The following GNPAT variants were observed in gnomAD, a reference collection of about 807,000 sequenced individuals.
GNPAT encodes the protein dihydroxyacetone phosphate acyltransferase.
GNPAT carries 30 observed loss-of-function variants against 78.4 expected under a neutral mutation model. The observed-to-expected ratio is 0.38, with a 90% CI of 0.29 to 0.52. The LOEUF is 0.52. Among genes scored for constraint, GNPAT ranks in the 20% least tolerant of loss-of-function variants. The probability of loss-of-function intolerance (pLI) is 0.84; values close to 1 mark genes in which losing one functional copy is unlikely to be tolerated. For missense variants in GNPAT, 714 were observed against 812.2 expected (o/e 0.88, Z 1.47); for synonymous variants, 271 against 281.1 (o/e 0.96, Z 0.36).
chr1:231,246,206 G>T (rs1684742625), intron 1 of GNPAT, among the ~76,000 whole-genome samples: 1 of 152,112 alleles, frequency 6.6e-6, no homozygotes, highest in South Asian at 2.1e-4. Flanking sequence ...CTTTAAATCT[G>T]CCCTGGTGGG....
Position 231,251,368 on chromosome 1 carries a change from A to G in GNPAT, c.261+225A>G, listed in dbSNP as rs1403020485. 2.6e-5 allele frequency among the ~76,000 whole-genome samples: 4 copies of G among 152,172 alleles called. No individual in the cohort carries two copies. In the East Asian group the frequency reaches 7.7e-4, roughly 29 times the overall value. On this transcript the variant is annotated intron_variant, in intron 2 of 15. Transcript: ENST00000366647. ...TAAGTGAAATATGTCGTCTGGGCAT[A>G]AGTGAAATATGATACGAGACATGCT...
At chr1:231,260,916 A>G (rs987684209) in intron 3 of GNPAT, among the ~76,000 whole-genome samples, 1 of 152,186 alleles carries the variant, frequency 6.6e-6, no homozygotes, top group Non-Finnish European at 1.5e-5. Context: ...GCAGACCTAC[A>G]GGCTTCAGAC....
chr1:231,275,472 G>C lies in GNPAT; in HGVS notation c.1911G>C (p.Arg637Ser), dbSNP rs1316357431. Residue 637 changes from arginine to serine, a missense_variant, in exon 14 of 16, where the codon AGG becomes AGC. Arg to Ser is a moderately radical substitution (Grantham distance 110). Coordinates refer to ENST00000366647, the MANE Select transcript of GNPAT (RefSeq NM_014236.4). ...AAAACGCCTTAGCAGCCTGTGTGAGGCTCGGAGTAGTGGAGAAGAAGAAGA... is the reference window on the plus strand; with the variant it reads ...AAAACGCCTTAGCAGCCTGTGTGAGCCTCGGAGTAGTGGAGAAGAAGAAGA... ...VQKNALAACV[R>S]LGVVEKKKIN... The C allele has an allele frequency of 1.2e-6, 2 of 1,605,568 alleles. No individual in the cohort carries two copies. The highest frequency in any genetic ancestry group is 8.5e-7 in the Non-Finnish European group (1 of 1,172,226).
chr1:231,251,075 C>T lies in GNPAT; in HGVS notation c.193C>T (p.Pro65Ser), dbSNP rs764206395. Residue 65 changes from proline to serine, a missense_variant, in exon 2 of 16, where the codon CCA becomes TCA. By Grantham distance (74) the Pro-to-Ser change is moderately conservative. Coordinates refer to ENST00000366647, the MANE Select transcript of GNPAT (RefSeq NM_014236.4). ...YTPLVYKGIT[P>S]CKPIDIKCSV... is the part of the protein sequence containing the mutation. ...ACCTCTTGTCTATAAGGGAATTACT[C>T]CATGTAAACCAATTGATATTAAATG... is the stretch of plus-strand genomic sequence containing the variant. 6.3e-7 allele frequency: 1 copy of T among 1,593,350 alleles called. No homozygotes were observed. Among genetic ancestry groups the T allele is most frequent in the Admixed American group, 1.7e-5 (1 of 59,958 alleles).
At position 231,251,147 on chromosome 1, in the gene GNPAT, A is replaced by C. The variant is rs1173200400; in HGVS notation, c.261+4A>C. 2.0e-6 allele frequency: 3 copies of C among 1,531,820 alleles called. No homozygotes were observed. In the South Asian group the frequency reaches 3.6e-5, roughly 18 times the overall value. 94.9% of individuals were successfully genotyped at this position (1,531,820 alleles called of 1,614,324 possible). ...GATTCATTATGTCATTAAACAGGTA[A>C]GTGATTCCCTCTTCAACCATGGCCA... On this transcript the variant is annotated splice_donor_region_variant and intron_variant, in intron 2 of 15. Transcript: ENST00000366647.
intron 1 of GNPAT, among the ~76,000 whole-genome samples, chr1:231,246,678 G>A (rs892267699): frequency 1.3e-5 from 2 of 152,164 alleles, no homozygotes; most frequent in African/African-American, 4.8e-5. Context: ...GCATGGTATA[G>A]GGAAGGCCAA....
chr1:231,243,531 C>T (rs1399671710), intron 1 of GNPAT, among the ~76,000 whole-genome samples: 1 of 152,138 alleles, frequency 6.6e-6, no homozygotes, highest in Non-Finnish European at 1.5e-5. Flanking sequence ...ACCGTGTTGG[C>T]CAGGCCGGTC....
chr1:231,243,181 G>A (rs1172331112), intron 1 of GNPAT, among the ~76,000 whole-genome samples: 1 of 152,226 alleles, frequency 6.6e-6, no homozygotes, highest in Admixed American at 6.5e-5. Flanking sequence ...AACAATCACA[G>A]TTAAGTATGG....
In GNPAT at chr1:231,255,490, C is replaced by A. The variant is rs150131583; in HGVS notation, c.261+4347C>A. ...CCAGGCTGGAGTACAGTGGCATGAT[C>A]ATAGCTCACTGTAACCTTGAACTCC... On this transcript the variant is annotated intron_variant, in intron 2 of 15. Transcript: ENST00000366647. Among the ~76,000 whole-genome samples, 26 of 152,290 alleles carry A rather than the reference C, an allele frequency of 1.7e-4. No individual in the cohort carries two copies. The East Asian group carries it at 5.0e-3, about 29-fold the overall frequency.
chr1:231,242,159 A>T (rs1684630489), intron 1 of GNPAT, among the ~76,000 whole-genome samples: 1 of 152,120 alleles, frequency 6.6e-6, no homozygotes, highest in Admixed American at 6.5e-5. Flanking sequence ...TGAAGAAATT[A>T]TGAGATGGGA....
At chr1:231,253,032 G>C (rs937688179) in intron 2 of GNPAT, among the ~76,000 whole-genome samples, 1 of 152,022 alleles carries the variant, frequency 6.6e-6, no homozygotes, top group South Asian at 2.1e-4. Context: ...GCAGTATCGC[G>C]ATCTCGGCTC....
intron 1 of GNPAT, among the ~76,000 whole-genome samples, chr1:231,250,245 G>C (rs1684856604): frequency 6.6e-6 from 1 of 151,958 alleles, no homozygotes; most frequent in African/African-American, 2.4e-5. Context: ...GAGCCACCAT[G>C]CCCAGCCAAG....
At chr1:231,244,533 A>G (rs1456071799) in intron 1 of GNPAT, among the ~76,000 whole-genome samples, 1 of 152,196 alleles carries the variant, frequency 6.6e-6, no homozygotes, top group African/African-American at 2.4e-5. Flanking sequence ...TTCATTGATA[A>G]GAAATATGGG....
Position 231,260,673 on chromosome 1 carries a change from G to A in GNPAT, c.428G>A (p.Gly143Asp). 1 of 1,596,120 alleles carries A rather than the reference G, an allele frequency of 6.3e-7. No individual in the cohort carries two copies. The highest frequency in any genetic ancestry group is 8.6e-7 in the Non-Finnish European group (1 of 1,164,240). ...TCGAAGGTGTGTGTAAATGAAGAAG[G>A]TATTCAGAAAGTGAGTATTGATTAT... ...IFSKVCVNEE[G>D]IQKLQRAIQE... is the part of the protein sequence containing the mutation. The change falls in exon 3 of 16, where the codon GGT becomes GAT. Residue 143 changes from glycine (G) to aspartate (D), a missense_variant. Coordinates refer to ENST00000366647, the MANE Select transcript of GNPAT (RefSeq NM_014236.4).
At chr1:231,254,297 A>G (rs1308368857) in intron 2 of GNPAT, among the ~76,000 whole-genome samples, 2 of 151,926 alleles carry the variant, frequency 1.3e-5, no homozygotes, top group Non-Finnish European at 2.9e-5. Flanking sequence ...TGGGCCTTCC[A>G]TATTCCCCAG....
chr1:231,268,030 C>T (rs562818878), intron 9 of GNPAT, 127 bp downstream of exon 9: 56 of 718,052 alleles, frequency 7.8e-5, no homozygotes, highest in Middle Eastern at 2.4e-4. Context: ...AGGCCGGGCG[C>T]GGTGGTTCAC....
chr1:231,257,146 A>G (rs1024784541), intron 2 of GNPAT, among the ~76,000 whole-genome samples: 7 of 152,196 alleles, frequency 4.6e-5, no homozygotes, highest in African/African-American at 7.2e-5. Flanking sequence ...ATTTCCTTCA[A>G]GCAAGCCAGC....
rs944700207 is a variant in GNPAT at position 231,263,736 on chromosome 1, C to T, written c.568+884C>T. On this transcript the variant is annotated intron_variant, in intron 4 of 15. Transcript: ENST00000366647. ...AAAGTGCACAAGAGTTCCAGTTGTT[C>T]TACATCCTTGCCAACACCTGTTATT... 3.3e-5 allele frequency among the ~76,000 whole-genome samples: 5 copies of T among 152,026 alleles called. No individual in the cohort carries two copies. In the South Asian group the frequency reaches 1.0e-3, roughly 32 times the overall value.
rs61828903 is a variant in GNPAT at position 231,249,746 on chromosome 1, T to C, written c.79-1215T>C. On this transcript the variant is annotated intron_variant, in intron 1 of 15. Coordinates refer to ENST00000366647, the MANE Select transcript of GNPAT (RefSeq NM_014236.4). ...AGCATTTAGAATGCGCCTAACACTT[T>C]AGTGTCAGCACATATGACAAGTGTC... Among the ~76,000 whole-genome samples, 304 of 152,344 alleles carry C rather than the reference T, an allele frequency of 2.0e-3. 2 individuals carry two copies. The highest frequency in any genetic ancestry group is 3.2e-3 in the Non-Finnish European group (216 of 68,026).
Sources: gnomAD v4.1 joint callset for allele counts (sites outside exome capture counted in the v4.1 genomes callset) on GRCh38, gnomAD v4.1.1 for gene constraint, MANE v1.5 for transcripts, NCBI Gene and HGNC (gene_info 2026-07-23, HGNC 2026-07-21) for gene names.